SNX11: variants seen among roughly 807,000 people sequenced by gnomAD.
The protein encoded by SNX11 is sorting nexin-11.
SNX11 carries 19 observed loss-of-function variants against 30.7 expected under a neutral mutation model. The observed-to-expected ratio is 0.62, with a 90% CI of 0.43 to 0.91. The LOEUF (loss-of-function observed/expected upper bound fraction) is 0.91, where lower values mean the gene tolerates loss of function less well. SNX11 is among the 40% of genes least tolerant of loss of function. The probability of loss-of-function intolerance (pLI) is 0.00; values close to 1 mark genes in which losing one functional copy is unlikely to be tolerated. For missense variants in SNX11, 302 were observed against 326.7 expected (o/e 0.92, Z 0.58); for synonymous variants, 112 against 119.0 (o/e 0.94, Z 0.38).
chr17:48,111,018 T>G (rs1392695165), intron 1 of SNX11: 3 of 892,476 alleles, frequency 3.4e-6, no homozygotes, highest in Non-Finnish European at 4.0e-6. Flanking sequence ...AATCAGGGGC[T>G]GAGGCTTTAA....
chr17:48,118,934 A>C, intron 5 of SNX11, 40 bp from the exon 6 acceptor site: 3 of 1,596,120 alleles, frequency 1.9e-6, no homozygotes, highest in Non-Finnish European at 2.6e-6. Context: ...GCAGTTCCTC[A>C]GGGTGATGCT....
chr17:48,118,940 A>G (rs1320137729), intron 5 of SNX11, 34 bp from the exon 6 acceptor site: 8 of 1,600,898 alleles, frequency 5.0e-6, no homozygotes, highest in African/African-American at 1.3e-5. Flanking sequence ...CCTCAGGGTG[A>G]TGCTCTGTGT....
In SNX11 at chr17:48,121,735, G is replaced by C; in HGVS notation, c.*227G>C. The C allele has an allele frequency of 1.8e-6, 1 of 547,346 alleles. No homozygotes were observed. The highest frequency in any genetic ancestry group is 3.0e-5 in the East Asian group (1 of 33,452). 33.9% of individuals were successfully genotyped at this position (547,346 alleles called of 1,614,324 possible). On this transcript the variant is annotated 3_prime_UTR_variant, in exon 7 of 7. Coordinates refer to ENST00000359238, the MANE Select transcript of SNX11 (RefSeq NM_013323.3). ...AAGTTAAACATAAGACACAGGGGCT[G>C]TTGCTTTTGAACAGAACCCTATATT...
intron 2 of SNX11, 47 bp from the exon 3 acceptor site, chr17:48,112,527 C>T: frequency 7.8e-7 from 1 of 1,286,680 alleles, no homozygotes; most frequent in South Asian, 1.2e-5. Context: ...GTTGTCAGAG[C>T]TGCCTTGCTG....
At chr17:48,107,951 G>A (rs964543462) in intron 1 of SNX11, 113 bp downstream of exon 1, 1 of 152,306 alleles carries the variant, frequency 6.6e-6, no homozygotes, top group Non-Finnish European at 1.5e-5. Flanking sequence ...ACATCCTAGG[G>A]AGGGACTCTC....
chr17:48,113,021 A>C (rs2063506858), intron 3 of SNX11: 1 of 342,606 alleles, frequency 2.9e-6, no homozygotes, highest in Non-Finnish European at 5.4e-6. Flanking sequence ...TATAGGCGTG[A>C]GCCACCGTGC....
At chr17:48,113,152 C>T in intron 3 of SNX11, 149 bp from the exon 4 acceptor site, 1 of 612,654 alleles carries the variant, frequency 1.6e-6, no homozygotes, top group South Asian at 1.9e-5. Context: ...TTTTGGGCTG[C>T]CTGGTGGCAC....
Position 48,121,178 on chromosome 17 carries a change from TC to T in SNX11, c.540-54del, listed in dbSNP as rs1239329392. Reference sequence around the variant, plus strand: ...TTTATTTTTTTGTAGAGACGGAGTCTCCCTATGTTACCCAAGCTGTTCATAC... The same window carrying T: ...TTTATTTTTTTGTAGAGACGGAGTCTCCTATGTTACCCAAGCTGTTCATAC... On this transcript the variant is annotated intron_variant, in intron 6 of 6. Transcript: ENST00000359238. The T allele has an allele frequency of 3.2e-6, 5 of 1,573,524 alleles. No individual in the cohort carries two copies. In the African/African-American group the frequency reaches 6.8e-5, roughly 21 times the overall value.
intron 4 of SNX11, among the ~76,000 whole-genome samples, chr17:48,115,406 A>G (rs35898340): frequency 1.8e-3 from 273 of 152,332 alleles, no homozygotes; most frequent in African/African-American, 5.9e-3. Context: ...TGAAAAAAGT[A>G]GAATCTAATT....
In SNX11 at chr17:48,119,105, G is replaced by A. The variant is rs965522351; in HGVS notation, c.458G>A (p.Arg153Gln). Residue 153 changes from arginine to glutamine, a missense_variant, in exon 6 of 7, where the codon CGA becomes CAA. Physicochemically the swap from Arg to Gln is conservative, Grantham distance 43. Coordinates refer to ENST00000359238, the MANE Select transcript of SNX11 (RefSeq NM_013323.3). ...STMTVSDAILRYAMSNCGWAQ... is the reference protein window; with the variant it reads ...STMTVSDAILQYAMSNCGWAQ... The stretch of plus-strand genomic sequence containing the variant: ...ATGACTGTGTCTGATGCCATTCTTC[G>A]ATATGCTATGTCAAACTGTGGCTGG... The A allele has an allele frequency of 6.2e-6, 10 of 1,613,958 alleles. No homozygotes were observed. The highest frequency in any genetic ancestry group is 2.7e-5 in the African/African-American group (2 of 74,888).
Position 48,112,038 on chromosome 17 carries a change from CT to C in SNX11, c.-4del. The C allele has an allele frequency of 6.2e-7, 1 of 1,612,788 alleles. No individual in the cohort carries two copies. The highest frequency in any genetic ancestry group is 8.5e-7 in the Non-Finnish European group (1 of 1,178,772). On this transcript the variant is annotated 5_prime_UTR_variant, in exon 2 of 7. Transcript: ENST00000359238. ...TCCTCTGTCCCTCATCAGATGTTTC[CT>C]TCCAATGGGCTTTTGGTGTAGGATG... is the stretch of plus-strand genomic sequence containing the variant.
intron 1 of SNX11, among the ~76,000 whole-genome samples, chr17:48,108,398 T>C (rs1460462115): frequency 6.6e-6 from 1 of 152,240 alleles, no homozygotes; most frequent in Admixed American, 6.5e-5. Context: ...GCTTTTTGAA[T>C]TGCTTTCTGC....
At chr17:48,116,744 T>C (rs1335912211) in intron 4 of SNX11, among the ~76,000 whole-genome samples, 1 of 151,394 alleles carries the variant, frequency 6.6e-6, no homozygotes, top group East Asian at 1.9e-4. Context: ...ATTTTTGTAT[T>C]TTTAGTAGAG....
At chr17:48,120,589 A>G (rs1009471602) in intron 6 of SNX11, among the ~76,000 whole-genome samples, 11 of 139,818 alleles carry the variant, frequency 7.9e-5, no homozygotes, top group Admixed American at 6.4e-4. Flanking sequence ...GCTCACTGCA[A>G]GCTCTGCCTC....
Sources: allele counts gnomAD v4.1 joint callset (sites outside exome capture counted in the v4.1 genomes callset), GRCh38; gene constraint gnomAD v4.1.1; transcripts MANE v1.5; gene names NCBI Gene and HGNC (gene_info 2026-07-23, HGNC 2026-07-21).